Variants in ANKS1B observed in about 807,000 individuals in gnomAD.
ANKS1B encodes ankyrin repeat and sterile alpha motif domain-containing protein 1B.
ANKS1B carries 36 observed loss-of-function variants against 148.3 expected under a neutral mutation model. The observed-to-expected ratio is 0.24, with a 90% CI of 0.19 to 0.32. The LOEUF (loss-of-function observed/expected upper bound fraction) is 0.32. ANKS1B is among the 10% of genes least tolerant of loss of function. The pLI is 1.00. For synonymous variants in ANKS1B, 542 were observed against 560.8 expected (o/e 0.97, Z 0.47); for missense variants, 1,157 against 1,542.6 (o/e 0.75, Z 4.19).
chr12:99,486,901 C>T (rs1435800759), intron 10 of ANKS1B, among the ~76,000 whole-genome samples: 1 of 152,178 alleles, frequency 6.6e-6, no homozygotes, highest in Non-Finnish European at 1.5e-5. Context: ...GATGCAGTAA[C>T]CCTGACATGT....
intron 9 of ANKS1B, among the ~76,000 whole-genome samples, chr12:99,629,488 T>C (rs910338139): frequency 6.6e-6 from 1 of 152,296 alleles, no homozygotes. Flanking sequence ...GCATTTACTG[T>C]GTGCTCAACA....
At chr12:99,585,010 G>A (rs747122201) in intron 9 of ANKS1B, among the ~76,000 whole-genome samples, 15 of 151,936 alleles carry the variant, frequency 9.9e-5, no homozygotes, top group South Asian at 2.1e-4. Flanking sequence ...TCATGTTCTC[G>A]CATTTCAAAA....
intron 15 of ANKS1B, among the ~76,000 whole-genome samples, chr12:99,135,716 T>C (rs1451837927): frequency 2.0e-5 from 3 of 152,252 alleles, no homozygotes; most frequent in African/African-American, 7.2e-5. Flanking sequence ...TAATCTTTCA[T>C]GTATTTCTCA....
chr12:99,280,187 C>T (rs148771346), intron 12 of ANKS1B, among the ~76,000 whole-genome samples: 111 of 147,838 alleles, frequency 7.5e-4, no homozygotes, highest in Non-Finnish European at 1.0e-3. Context: ...TGTGTGTGTA[C>T]GTGCATGTGT....
chr12:99,321,846 G>A (rs1324739397), intron 12 of ANKS1B, among the ~76,000 whole-genome samples: 1 of 152,194 alleles, frequency 6.6e-6, no homozygotes, highest in Non-Finnish European at 1.5e-5. Context: ...TTATTAAAAA[G>A]TCAAGAAAGA....
At chr12:99,298,475 C>T (rs1209456125) in intron 12 of ANKS1B, among the ~76,000 whole-genome samples, 1 of 152,146 alleles carries the variant, frequency 6.6e-6, no homozygotes. Flanking sequence ...TGTGAGGCCT[C>T]CCTAGCCATT....
At chr12:99,065,590 TCATC>T (rs200122902) in intron 16 of ANKS1B, among the ~76,000 whole-genome samples, 4,333 of 67,116 alleles carry the variant, frequency 0.065, 98 homozygotes, top group African/African-American at 0.07. Flanking sequence ...TCCATTCCAT[TCATC>T]CATCCATCCA....
At chr12:98,783,928 A>C (rs1431158905) in intron 22 of ANKS1B, among the ~76,000 whole-genome samples, 4 of 152,208 alleles carry the variant, frequency 2.6e-5, no homozygotes, top group African/African-American at 9.6e-5. Flanking sequence ...GCAAATCCAA[A>C]GGAGAGAGAG....
At chr12:99,205,917 A>G (rs1433001752) in intron 14 of ANKS1B, among the ~76,000 whole-genome samples, 1 of 152,190 alleles carries the variant, frequency 6.6e-6, no homozygotes, top group Non-Finnish European at 1.5e-5. Flanking sequence ...GGCATGCCTC[A>G]GGTGTCTGAC....
intron 9 of ANKS1B, among the ~76,000 whole-genome samples, chr12:99,538,512 C>T (rs2097095045): frequency 6.6e-6 from 1 of 152,036 alleles, no homozygotes; most frequent in African/African-American, 2.4e-5. Flanking sequence ...TTATGTGTGG[C>T]TATTGTAAAT....
At chr12:99,660,629 C>A (rs1026399382) in intron 8 of ANKS1B, among the ~76,000 whole-genome samples, 1 of 152,036 alleles carries the variant, frequency 6.6e-6, no homozygotes, top group Non-Finnish European at 1.5e-5. Flanking sequence ...TCCCAATGTG[C>A]TGAGATTACA....
At chr12:99,269,829 G>T (rs2153987493) in intron 12 of ANKS1B, among the ~76,000 whole-genome samples, 1 of 152,248 alleles carries the variant, frequency 6.6e-6, no homozygotes, top group African/African-American at 2.4e-5. Context: ...AAAGTGCTGG[G>T]ATTACAGGCG....
intron 9 of ANKS1B, among the ~76,000 whole-genome samples, chr12:99,588,141 A>AG (rs1491440472): frequency 7.9e-5 from 12 of 151,886 alleles, no homozygotes; most frequent in African/African-American, 2.7e-4. Context: ...CTCTGGAAAC[A>AG]GAAAAAAAAA....
intron 17 of ANKS1B, among the ~76,000 whole-genome samples, chr12:99,049,350 A>C (rs531830297): frequency 5.3e-5 from 8 of 152,220 alleles, no homozygotes; most frequent in African/African-American, 1.9e-4. Flanking sequence ...AATGCAAAAA[A>C]AAAATTAGGA....
intron 12 of ANKS1B, among the ~76,000 whole-genome samples, chr12:99,333,909 T>C (rs911345426): frequency 6.7e-6 from 1 of 149,096 alleles, no homozygotes; most frequent in East Asian, 1.9e-4. Flanking sequence ...TAGGTACATG[T>C]TGATCGCATT....
At chr12:99,420,683 T>G in intron 11 of ANKS1B, among the ~76,000 whole-genome samples, 1 of 152,176 alleles carries the variant, frequency 6.6e-6, no homozygotes, top group East Asian at 1.9e-4. Flanking sequence ...TGAAGGGGTA[T>G]AAGTATATAA....
intron 8 of ANKS1B, among the ~76,000 whole-genome samples, chr12:99,702,534 TTTTG>T (rs1307632773): frequency 2.0e-5 from 3 of 151,886 alleles, no homozygotes; most frequent in Non-Finnish European, 4.4e-5. Context: ...ATGCAGAAGG[TTTTG>T]TTTGATTGCC....
At chr12:98,769,282 G>A (rs2098536984) in intron 25 of ANKS1B, among the ~76,000 whole-genome samples, 1 of 141,170 alleles carries the variant, frequency 7.1e-6, no homozygotes, top group Admixed American at 7.9e-5. Flanking sequence ...CCCTACATAA[G>A]GATACAAAAT....
Position 99,049,440 on chromosome 12 carries a change from C to T in ANKS1B, c.2778+3717G>A, listed in dbSNP as rs547775267. 8.2e-4 allele frequency among the ~76,000 whole-genome samples: 125 copies of T among 152,214 alleles called. 2 individuals carry two copies. The highest frequency in any genetic ancestry group is 8.8e-5 in the Non-Finnish European group (6 of 68,010). ...TATAATGCTGATCATGAAATAAAAA[C>T]TTCAAAGCAAGCCTAAATCTGATAC... On this transcript the variant is annotated intron_variant, in intron 17 of 26. Transcript: ENST00000683438.
Sources: allele counts gnomAD v4.1 joint callset (sites outside exome capture counted in the v4.1 genomes callset), GRCh38; gene constraint gnomAD v4.1.1; transcripts MANE v1.5; gene names NCBI Gene and HGNC (gene_info 2026-07-23, HGNC 2026-07-21).